Variants in USH2A observed in about 807,000 individuals in gnomAD.
USH2A encodes Usher syndrome 2A (autosomal recessive, mild).
USH2A carries 443 observed loss-of-function variants against 538.9 expected under a neutral mutation model. The ratio of observed to expected loss-of-function variants is 0.82; its 90% CI spans 0.76 to 0.89. The LOEUF is 0.89. USH2A is among the 40% of genes least tolerant of loss of function. The pLI, the probability that USH2A is intolerant of heterozygous loss-of-function variation, is 0.00. For missense variants in USH2A, 6,633 were observed against 6,324.8 expected (o/e 1.05, Z -1.65); for synonymous variants, 2,413 against 2,273.5 (o/e 1.06, Z -1.75).
At chr1:215,633,483 T>G (rs940292218) in intron 70 of USH2A, among the ~76,000 whole-genome samples, 1 of 152,204 alleles carries the variant, frequency 6.6e-6, no homozygotes, top group African/African-American at 2.4e-5. Flanking sequence ...TGGTCATTCA[T>G]TGCTGAGTGC....
intron 35 of USH2A, 81 bp downstream of exon 35, chr1:215,992,939 C>G: frequency 6.3e-7 from 1 of 1,589,924 alleles, no homozygotes; most frequent in Admixed American, 1.7e-5. Flanking sequence ...AAATTAAGCA[C>G]CACATATAAG....
chr1:216,407,925 T>TAA (rs879900125), intron 3 of USH2A, among the ~76,000 whole-genome samples: 25 of 145,662 alleles, frequency 1.7e-4, no homozygotes, highest in African/African-American at 5.5e-4. Flanking sequence ...TAGAGATTGT[T>TAA]AAAAAAAAAA....
intron 38 of USH2A, among the ~76,000 whole-genome samples, chr1:215,913,312 G>C (rs1450677433): frequency 6.6e-6 from 1 of 152,084 alleles, no homozygotes; most frequent in Non-Finnish European, 1.5e-5. Context: ...TGTACACAAA[G>C]TGCTAGGAGG....
Position 216,199,711 on chromosome 1 carries a change from G to T in USH2A, c.3727C>A (p.Pro1243Thr). The T allele has an allele frequency of 6.2e-7, 1 of 1,614,108 alleles. No homozygotes were observed. Among genetic ancestry groups the T allele is most frequent in the Non-Finnish European group, 8.5e-7 (1 of 1,179,992 alleles). Reference sequence around the variant, plus strand: ...ATCTTAGGTGGACTTAGTCTTTGGGGAGGGGCCTGGGCTGTGGTCACTGTA... The same window carrying T: ...ATCTTAGGTGGACTTAGTCTTTGGGTAGGGGCCTGGGCTGTGGTCACTGTA... The part of the protein sequence containing the change: ...PITVTTAQAP[P>T]QRLSPPKMQK... The change falls in exon 17 of 72, where the codon CCC (proline) becomes ACC (threonine). Residue 1243 changes from proline (P) to threonine (T), a missense_variant. Transcript: ENST00000307340.
intron 64 of USH2A, among the ~76,000 whole-genome samples, chr1:215,655,250 G>A (rs142734608): frequency 1.3e-5 from 2 of 152,226 alleles, no homozygotes; most frequent in Admixed American, 6.5e-5. Context: ...TATTTGTTAT[G>A]TCTCTTTAGA....
intron 64 of USH2A, among the ~76,000 whole-genome samples, chr1:215,661,351 C>T (rs555535241): frequency 6.6e-6 from 1 of 152,298 alleles, no homozygotes; most frequent in East Asian, 1.9e-4. Flanking sequence ...GTTTCTCCTG[C>T]TCCTCTCTTT....
At chr1:216,225,574 G>A (rs2035543719) in intron 14 of USH2A, among the ~76,000 whole-genome samples, 1 of 152,122 alleles carries the variant, frequency 6.6e-6, no homozygotes, top group Non-Finnish European at 1.5e-5. Flanking sequence ...TTTTAGAGAA[G>A]CTGCATTATA....
intron 36 of USH2A, among the ~76,000 whole-genome samples, chr1:215,966,737 T>C (rs1667356501): frequency 6.6e-6 from 1 of 152,136 alleles, no homozygotes; most frequent in South Asian, 2.1e-4. Context: ...TTTATGACAA[T>C]GTAATTTGTT....
chr1:215,766,620 T>C, intron 56 of USH2A, 61 bp downstream of exon 56: 1 of 1,457,008 alleles, frequency 6.9e-7, no homozygotes, highest in Non-Finnish European at 9.6e-7. Context: ...AGTTTACAGA[T>C]TCCACCTCAA....
Position 216,405,730 on chromosome 1 carries a change from C to T in USH2A, c.651+12784G>A, listed in dbSNP as rs74325838. 8.9e-4 allele frequency among the ~76,000 whole-genome samples: 135 copies of T among 152,282 alleles called. 1 individual carries two copies. In the East Asian group the frequency reaches 0.018, roughly 20 times the overall value. The stretch of plus-strand genomic sequence containing the variant: ...ATGTATGTTAACAAAAACATCCACA[C>T]GAATGCTTTAACTGTGTTTGATACA... On this transcript the variant is annotated intron_variant, in intron 3 of 71. Transcript: ENST00000307340.
rs765817349 is a variant in USH2A, at chr1:215,674,756, C to T, written c.13155G>A (p.Lys4385=). Reference sequence around the variant, plus strand: ...CATATCTAACTAAATATTTAGTAATCTTTCCATTTTGCACTGTGGGCGGTG... The same window carrying T: ...CATATCTAACTAAATATTTAGTAATTTTTCCATTTTGCACTGTGGGCGGTG... ...CWSPPTVQNG[K]ITKYLVRYDN... is the part of the protein sequence containing the mutation. The change falls in exon 63 of 72, where the codon AAG becomes AAA. Residue 4385 remains lysine, a synonymous_variant. Transcript: ENST00000307340. 6 of 1,614,018 alleles carry T rather than the reference C, an allele frequency of 3.7e-6. No individual in the cohort carries two copies. The South Asian group carries it at 5.5e-5, about 15-fold the overall frequency.
intron 61 of USH2A, among the ~76,000 whole-genome samples, chr1:215,691,588 A>T (rs148722356): frequency 6.6e-6 from 1 of 152,120 alleles, no homozygotes; most frequent in African/African-American, 2.4e-5. Context: ...CCCAATTTTG[A>T]TTCTTTTTAT....
Position 216,056,397 on chromosome 1 carries a change from T to C in USH2A, c.6050-7750A>G, listed in dbSNP as rs113196070. 3.0e-3 allele frequency among the ~76,000 whole-genome samples: 451 copies of C among 152,266 alleles called. 5 individuals are homozygous for C. Among genetic ancestry groups the C allele is most frequent in the African/African-American group, 0.011 (444 of 41,564 alleles). ...TGCTACAAGCCTCTGATATTGTTAT[T>C]CCATTGTACAGAGGAGGCTGCTTTT... On this transcript the variant is annotated intron_variant, in intron 30 of 71. Coordinates refer to ENST00000307340, the MANE Select transcript of USH2A (RefSeq NM_206933.4).
chr1:216,211,105 C>T (rs561302243), intron 15 of USH2A, among the ~76,000 whole-genome samples: 1 of 152,222 alleles, frequency 6.6e-6, no homozygotes, highest in African/African-American at 2.4e-5. Flanking sequence ...GGAAGCTCAG[C>T]TCCCCTTTCC....
chr1:215,786,179 T>C (rs1295575682), intron 52 of USH2A, among the ~76,000 whole-genome samples: 1 of 152,188 alleles, frequency 6.6e-6, no homozygotes, highest in Non-Finnish European at 1.5e-5. Context: ...TTACAATAAC[T>C]GCAAAGGTTA....
At chr1:216,389,405 C>T (rs1055925668) in intron 3 of USH2A, among the ~76,000 whole-genome samples, 2 of 152,010 alleles carry the variant, frequency 1.3e-5, no homozygotes, top group African/African-American at 4.8e-5. Flanking sequence ...TTCAGTCTGG[C>T]CCAACATACT....
intron 38 of USH2A, among the ~76,000 whole-genome samples, chr1:215,912,283 T>C (rs1665803804): frequency 6.6e-6 from 1 of 151,940 alleles, no homozygotes; most frequent in Admixed American, 6.6e-5. Context: ...CAGACCTATG[T>C]CCTATAGATT....
intron 49 of USH2A, among the ~76,000 whole-genome samples, chr1:215,812,251 G>A (rs1662717834): frequency 6.6e-6 from 1 of 152,040 alleles, no homozygotes; most frequent in Admixed American, 6.6e-5. Flanking sequence ...CTCCCAAAGT[G>A]CTGGGATTAC....
intron 14 of USH2A, among the ~76,000 whole-genome samples, chr1:216,229,460 C>A (rs1216832498): frequency 2.0e-5 from 3 of 151,910 alleles, no homozygotes; most frequent in African/African-American, 7.3e-5. Flanking sequence ...GGACTACAGG[C>A]AAGAGCCACT....
Sources: gnomAD v4.1 joint callset for allele counts (sites outside exome capture counted in the v4.1 genomes callset) on GRCh38, gnomAD v4.1.1 for gene constraint, MANE v1.5 for transcripts, NCBI Gene and HGNC (gene_info 2026-07-23, HGNC 2026-07-21) for gene names.